Variants in INVS observed in about 807,000 individuals in gnomAD.
INVS encodes the protein inversion of embryo turning homolog.
A neutral mutation model predicts 108.8 loss-of-function variants in INVS; 86 were observed. The ratio of observed to expected loss-of-function variants is 0.79; its 90% CI spans 0.66 to 0.95. INVS has a LOEUF of 0.95. INVS is among the 40% of genes least tolerant of loss of function. The pLI is 0.00. For missense variants in INVS, 1,169 were observed against 1,297.4 expected (o/e 0.90, Z 1.52); for synonymous variants, 455 against 473.5 (o/e 0.96, Z 0.51).
chr9:100,132,673 T>C (rs534461069), intron 3 of INVS, among the ~76,000 whole-genome samples: 1 of 152,376 alleles, frequency 6.6e-6, no homozygotes, highest in African/African-American at 2.4e-5. Context: ...GATCTTCTTG[T>C]CCAATTTGTC....
At chr9:100,252,079 A>C (rs1183981584) in intron 8 of INVS, among the ~76,000 whole-genome samples, 1 of 152,218 alleles carries the variant, frequency 6.6e-6, no homozygotes, top group East Asian at 1.9e-4. Context: ...GAAAGGTAGA[A>C]GGAAAGGAGA....
intron 2 of INVS, chr9:100,117,192 CCACTTCCTTGGAG>C: frequency 9.3e-7 from 1 of 1,072,028 alleles, no homozygotes; most frequent in South Asian, 1.4e-5. Context: ...ATGGTGGTGG[CCACTTCCTTGGAG>C]CACTTAACAC....
At chr9:100,174,782 C>G (rs557472912) in intron 3 of INVS, among the ~76,000 whole-genome samples, 16 of 151,882 alleles carry the variant, frequency 1.1e-4, no homozygotes, top group African/African-American at 3.1e-4. Context: ...CATGGTGGTG[C>G]GTGCCTGTAA....
chr9:100,143,479 A>C (rs1035799615), intron 3 of INVS, among the ~76,000 whole-genome samples: 1 of 151,846 alleles, frequency 6.6e-6, no homozygotes, highest in Non-Finnish European at 1.5e-5. Context: ...TTTTAATGGG[A>C]TGGTAAGGGG....
chr9:100,280,062 T>G (rs569428189), intron 12 of INVS, among the ~76,000 whole-genome samples: 259 of 152,342 alleles, frequency 1.7e-3, no homozygotes, highest in Admixed American at 2.5e-3. Flanking sequence ...TTGTTAAAAT[T>G]TGTTAAAATT....
intron 2 of INVS, among the ~76,000 whole-genome samples, chr9:100,110,511 C>A (rs913701045): frequency 6.6e-6 from 1 of 152,008 alleles, no homozygotes; most frequent in Non-Finnish European, 1.5e-5. Context: ...AAGAAAGAAC[C>A]GATTAGGTGT....
chr9:100,286,940 T>G (rs1236720179), intron 13 of INVS, among the ~76,000 whole-genome samples: 1 of 152,240 alleles, frequency 6.6e-6, no homozygotes, highest in Non-Finnish European at 1.5e-5. Flanking sequence ...TCCACCAAAC[T>G]GCAAGATCTG....
At chr9:100,151,743 C>A (rs949536681) in intron 3 of INVS, among the ~76,000 whole-genome samples, 1 of 152,128 alleles carries the variant, frequency 6.6e-6, no homozygotes, top group Non-Finnish European at 1.5e-5. Context: ...TCACCCATTC[C>A]TCATATAATA....
rs35392930 is a variant in INVS at position 100,161,364 on chromosome 9, C to CAA, written c.273+34842_273+34843dup. 4.7e-3 allele frequency among the ~76,000 whole-genome samples: 58 copies of CAA among 12,336 alleles called. 2 individuals carry two copies. The highest frequency in any genetic ancestry group is 0.023 in the South Asian group (9 of 392). The allele number at this position is 12,336 out of a possible 152,430, so 8.1% of individuals were successfully genotyped here. A position where few individuals can be genotyped will look rare whatever the true frequency, so the allele number is the denominator to read the frequency against. ...GGACGACAGAGCAAGACTTCCATCT[C>CAA]AAAAAAAAAAAAAAAAAAAAAAAAA... On this transcript the variant is annotated intron_variant, in intron 3 of 16. Transcript: ENST00000262457.
chr9:100,287,366 C>G (rs1416142381), intron 13 of INVS, among the ~76,000 whole-genome samples: 2 of 152,178 alleles, frequency 1.3e-5, no homozygotes, highest in East Asian at 3.9e-4. Context: ...CCATCCCAGA[C>G]CAAATGATGT....
intron 3 of INVS, among the ~76,000 whole-genome samples, chr9:100,141,859 A>G (rs981899641): frequency 2.6e-5 from 4 of 152,250 alleles, no homozygotes; most frequent in Admixed American, 6.5e-5. Context: ...GGAAGAGGTT[A>G]TGAAATGACG....
intron 2 of INVS, among the ~76,000 whole-genome samples, chr9:100,112,057 T>C (rs1271039095): frequency 6.6e-6 from 1 of 152,118 alleles, no homozygotes; most frequent in Non-Finnish European, 1.5e-5. Flanking sequence ...GTGCAATCTC[T>C]GCCTTCCGGG....
At chr9:100,155,624 C>T (rs1828951512) in intron 3 of INVS, among the ~76,000 whole-genome samples, 1 of 152,226 alleles carries the variant, frequency 6.6e-6, no homozygotes, top group Non-Finnish European at 1.5e-5. Flanking sequence ...AGGCGTCAGC[C>T]ACTGGGCCCA....
chr9:100,133,764 T>TACACACACACAC (rs147744972), intron 3 of INVS, among the ~76,000 whole-genome samples: 11,225 of 123,602 alleles, frequency 0.091, 889 homozygotes, highest in East Asian at 0.24. Context: ...CTGCCAAAGC[T>TACACACACACAC]ACACACACAC....
At chr9:100,252,515 T>G (rs1832269523) in intron 9 of INVS, 77 bp downstream of exon 9, 1 of 1,359,334 alleles carries the variant, frequency 7.4e-7, no homozygotes, top group Non-Finnish European at 1.0e-6. Flanking sequence ...AAGATAAAGC[T>G]TTCCTTAGCA....
At chr9:100,157,730 C>G (rs903649398) in intron 3 of INVS, among the ~76,000 whole-genome samples, 2 of 152,102 alleles carry the variant, frequency 1.3e-5, no homozygotes, top group African/African-American at 4.8e-5. Context: ...TTCCTGCCAC[C>G]CTTCAATGGT....
At chr9:100,209,151 G>T (rs1486387401) in intron 3 of INVS, among the ~76,000 whole-genome samples, 1 of 152,130 alleles carries the variant, frequency 6.6e-6, no homozygotes, top group Non-Finnish European at 1.5e-5. Flanking sequence ...TGAATTACTT[G>T]TGCAGTATTG....
At chr9:100,283,031 G>A (rs957895103) in intron 12 of INVS, among the ~76,000 whole-genome samples, 2 of 152,172 alleles carry the variant, frequency 1.3e-5, no homozygotes, top group South Asian at 2.1e-4. Flanking sequence ...CTTTTCAGCC[G>A]GGCGCGGTGG....
chr9:100,232,793 C>T (rs1007943606), intron 5 of INVS, among the ~76,000 whole-genome samples: 7 of 152,224 alleles, frequency 4.6e-5, no homozygotes, highest in African/African-American at 1.7e-4. Context: ...AGCTTGATAC[C>T]TCCAGCTTTC....
Sources: gnomAD v4.1 joint callset for allele counts (sites outside exome capture counted in the v4.1 genomes callset) on GRCh38, gnomAD v4.1.1 for gene constraint, MANE v1.5 for transcripts, NCBI Gene and HGNC (gene_info 2026-07-23, HGNC 2026-07-21) for gene names.